The following DPP6 variants were observed in gnomAD, a reference collection of about 807,000 sequenced individuals.
DPP6 encodes dipeptidyl peptidase like 6.
A neutral mutation model predicts 122.6 loss-of-function variants in DPP6; 69 were observed. The ratio of observed to expected loss-of-function variants is 0.56; its 90% CI spans 0.46 to 0.69. DPP6 has a LOEUF of 0.69. DPP6 is among the 30% of genes least tolerant of loss of function. DPP6 has a pLI of 0.00. For missense variants in DPP6, 928 were observed against 1,116.9 expected (o/e 0.83, Z 2.41); for synonymous variants, 418 against 433.1 (o/e 0.97, Z 0.43).
intron 1 of DPP6, among the ~76,000 whole-genome samples, chr7:154,290,889 T>G (rs1401214446): frequency 6.6e-6 from 1 of 152,156 alleles, no homozygotes; most frequent in Non-Finnish European, 1.5e-5. Context: ...CCAAGGGCTG[T>G]CCCATATGGA....
intron 2 of DPP6, among the ~76,000 whole-genome samples, chr7:154,469,231 C>G (rs1009212574): frequency 6.6e-6 from 1 of 152,134 alleles, no homozygotes; most frequent in Admixed American, 6.5e-5. Context: ...TAAAGAGGTA[C>G]TGACTGTACA....
chr7:153,771,307 A>G, the DPP6 span, among the ~76,000 whole-genome samples: 1 of 152,212 alleles, frequency 6.6e-6, no homozygotes, highest in African/African-American at 2.4e-5. Context: ...GTCAGAAATC[A>G]TGCAAGACGA....
At chr7:153,799,601 T>C in the DPP6 span, among the ~76,000 whole-genome samples, 1,262 of 152,286 alleles carry the variant, frequency 8.3e-3, 40 homozygotes, top group Admixed American at 0.064. Flanking sequence ...GCCCATAACA[T>C]TTCCTCATTA....
At chr7:154,684,638 A>G (rs1372923002) in intron 7 of DPP6, among the ~76,000 whole-genome samples, 1 of 152,186 alleles carries the variant, frequency 6.6e-6, no homozygotes, top group African/African-American at 2.4e-5. Context: ...CAGCCACCAC[A>G]TGGGTCCCAA....
intron 1 of DPP6, among the ~76,000 whole-genome samples, chr7:154,061,948 A>ACC (rs1201420756): frequency 2.1e-5 from 2 of 94,862 alleles, no homozygotes; most frequent in African/African-American, 4.4e-5. Context: ...GGGGGAGGCA[A>ACC]CCCTGCGAGG....
chr7:154,711,357 G>A (rs1253918989), intron 7 of DPP6, among the ~76,000 whole-genome samples: 1 of 152,176 alleles, frequency 6.6e-6, no homozygotes, highest in Admixed American at 6.5e-5. Flanking sequence ...GGGCAACAGA[G>A]CAAGACCCCC....
At chr7:154,655,174 C>T (rs957612075) in intron 6 of DPP6, among the ~76,000 whole-genome samples, 9 of 152,070 alleles carry the variant, frequency 5.9e-5, no homozygotes, top group South Asian at 2.1e-4. Flanking sequence ...GGTGATAAAA[C>T]GTTAGGATCC....
At chr7:154,205,428 G>C (rs1326322600) in intron 1 of DPP6, among the ~76,000 whole-genome samples, 1 of 152,184 alleles carries the variant, frequency 6.6e-6, no homozygotes, top group Non-Finnish European at 1.5e-5. Context: ...AATAAATGGA[G>C]CCATAGGTGT....
chr7:154,853,405 G>C (rs1391053953), intron 16 of DPP6, among the ~76,000 whole-genome samples: 1 of 152,234 alleles, frequency 6.6e-6, no homozygotes. Context: ...TTAGCACTGA[G>C]GCTTGAGTAA....
chr7:154,887,308 C>T (rs1563329502), intron 22 of DPP6, among the ~76,000 whole-genome samples: 1 of 152,166 alleles, frequency 6.6e-6, no homozygotes, highest in Non-Finnish European at 1.5e-5. Flanking sequence ...ATAAGTAAAT[C>T]TTGATGGAAA....
At chr7:153,909,786 T>C (rs908349505) in intron 1 of DPP6, among the ~76,000 whole-genome samples, 26 of 152,126 alleles carry the variant, frequency 1.7e-4, no homozygotes, top group African/African-American at 5.8e-4. Context: ...ACCTTTTACC[T>C]ACCAGACGGA....
intron 3 of DPP6, among the ~76,000 whole-genome samples, chr7:154,535,390 T>A (rs899669514): frequency 1.3e-5 from 2 of 151,594 alleles, no homozygotes; most frequent in Admixed American, 6.6e-5. Context: ...CTTTAGATTT[T>A]TTTTTTTTAT....
rs146308193 is a variant in DPP6, at chr7:154,665,551, C to T, written c.681-3809C>T. On this transcript the variant is annotated intron_variant, in intron 6 of 25. Coordinates refer to ENST00000377770, the MANE Select transcript of DPP6 (RefSeq NM_130797.4). Reference sequence around the variant, plus strand: ...TATTCCTGACTCATTCTGTATTTTCCCTGCCCCAGCCCAGATACAATTGCT... The same window carrying T: ...TATTCCTGACTCATTCTGTATTTTCTCTGCCCCAGCCCAGATACAATTGCT... Among the ~76,000 whole-genome samples the T allele has an allele frequency of 2.9e-3, 446 of 152,032 alleles. 2 individuals are homozygous for T. Among genetic ancestry groups the T allele is most frequent in the Non-Finnish European group, 5.0e-3 (341 of 67,972 alleles).
At chr7:153,783,727 T>A in the DPP6 span, among the ~76,000 whole-genome samples, 2 of 152,214 alleles carry the variant, frequency 1.3e-5, no homozygotes, top group Admixed American at 6.5e-5. Flanking sequence ...TTTTGAAAAC[T>A]GTCACTATTG....
rs781488838 is a variant in DPP6 at position 154,867,881 on chromosome 7, A to G, written c.1715-114A>G. 53 of 1,320,504 alleles carry G rather than the reference A, an allele frequency of 4.0e-5. No homozygotes were observed. In the Admixed American group the frequency reaches 7.1e-4, roughly 18 times the overall value. 81.8% of individuals were successfully genotyped at this position (1,320,504 alleles called of 1,614,324 possible). The stretch of plus-strand genomic sequence containing the variant: ...TTTCTGTACACTAGAAATAATAATA[A>G]TCACCTCTGAGGCTGATGAAAGCAG... On this transcript the variant is annotated intron_variant, in intron 17 of 25. Transcript: ENST00000377770.
intron 1 of DPP6, among the ~76,000 whole-genome samples, chr7:154,025,201 A>C (rs904086161): frequency 1.3e-5 from 2 of 151,246 alleles, no homozygotes; most frequent in Non-Finnish European, 2.9e-5. Context: ...GATATAAACC[A>C]ATGAGAGTCT....
rs1798361959 is a variant in DPP6, at chr7:154,015,517, T to A, written c.51+127783T>A. 2.6e-5 allele frequency among the ~76,000 whole-genome samples: 4 copies of A among 152,152 alleles called. No individual in the cohort carries two copies. The South Asian group carries it at 8.3e-4, about 32-fold the overall frequency. ...TGTCTAACATGTGCTCGCTTACATG[T>A]GGCCAGAAGAGAGCTCCTCATCCCC... On this transcript the variant is annotated intron_variant, in intron 1 of 25. Coordinates refer to the DPP6 transcript ENST00000404039.
At chr7:153,886,814 G>C (rs559958188), upstream of DPP6, among the ~76,000 whole-genome samples, 2 of 152,270 alleles carry the variant, frequency 1.3e-5, no homozygotes, top group African/African-American at 4.8e-5. Context: ...CAGACTTGCG[G>C]GCGACGGGCA....
At chr7:153,865,561 AT>A in the DPP6 span, among the ~76,000 whole-genome samples, 2 of 152,224 alleles carry the variant, frequency 1.3e-5, no homozygotes, top group African/African-American at 4.8e-5. Flanking sequence ...ACATATAAAA[AT>A]ATATCACAAG....
Sources: allele counts gnomAD v4.1 joint callset (sites outside exome capture counted in the v4.1 genomes callset), GRCh38; gene constraint gnomAD v4.1.1; transcripts MANE v1.5; gene names NCBI Gene and HGNC (gene_info 2026-07-23, HGNC 2026-07-21).